NUP54: variants seen among roughly 807,000 people sequenced by gnomAD.
NUP54 encodes nucleoporin p54.
NUP54 carries 27 observed loss-of-function variants against 66.4 expected under a neutral mutation model. The ratio of observed to expected loss-of-function variants is 0.41; its 90% CI spans 0.30 to 0.56. NUP54 has a LOEUF of 0.56. Among genes scored for constraint, NUP54 ranks in the 20% least tolerant of loss-of-function variants. The pLI, the probability that NUP54 is intolerant of heterozygous loss-of-function variation, is 0.34. For synonymous variants in NUP54, 206 were observed against 210.7 expected, an observed-to-expected ratio of 0.98 and a Z score of 0.19; for missense variants, 486 against 596.3, an observed-to-expected ratio of 0.82 and a Z score of 1.93.
chr4:76,125,220 G>T (rs1213033035), intron 8 of NUP54, among the ~76,000 whole-genome samples: 1 of 139,782 alleles, frequency 7.2e-6, no homozygotes, highest in Non-Finnish European at 1.6e-5. Context: ...AAACCTGGGG[G>T]ATGGAGCCGA....
chr4:76,143,372 G>A (rs1261130784), intron 3 of NUP54, among the ~76,000 whole-genome samples: 2 of 152,216 alleles, frequency 1.3e-5, no homozygotes, highest in East Asian at 1.9e-4. Flanking sequence ...TTGGGAGGCC[G>A]AGGCAGGCAG....
chr4:76,135,683 A>C (rs1301362399), intron 4 of NUP54, among the ~76,000 whole-genome samples: 1 of 152,224 alleles, frequency 6.6e-6, no homozygotes, highest in Admixed American at 6.5e-5. Flanking sequence ...TGCATTACCA[A>C]ATGGACCTAA....
At chr4:76,147,665 CAAAATTTTAA>C (rs1215583912) in intron 1 of NUP54, 2 of 1,266,742 alleles carry the variant, frequency 1.6e-6, no homozygotes, top group Admixed American at 2.6e-5. Context: ...GGCAAAGAAA[CAAAATTTTAA>C]AAAGGGGGAG....
chr4:76,117,982 A>G, intron 10 of NUP54, 93 bp downstream of exon 10: 1 of 1,302,794 alleles, frequency 7.7e-7, no homozygotes, highest in Non-Finnish European at 1.1e-6. Context: ...AAGAAACACA[A>G]GTATACAAAA....
chr4:76,117,831 T>C (rs760220228), intron 10 of NUP54, 57 bp from the exon 11 acceptor site: 154 of 1,363,030 alleles, frequency 1.1e-4, no homozygotes, highest in Middle Eastern at 1.8e-4. Flanking sequence ...TAAAAGACAA[T>C]GTTTTCTTCT....
intron 1 of NUP54, chr4:76,145,545 A>AT: frequency 7.9e-7 from 1 of 1,265,796 alleles, no homozygotes; most frequent in Non-Finnish European, 1.0e-6. Flanking sequence ...AAGCATACCA[A>AT]TATACTTACC....
chr4:76,125,788 AGAGAGG>A (rs1365291113), intron 8 of NUP54, among the ~76,000 whole-genome samples: 5 of 44,838 alleles, frequency 1.1e-4, no homozygotes, highest in Admixed American at 2.5e-4. Context: ...AGAGAGGGGG[AGAGAGG>A]GAGAGGGAGA....
At chr4:76,144,111 C>T (rs11736522) in intron 3 of NUP54, 38 bp downstream of exon 3, 683,684 of 1,601,762 alleles carry the variant, frequency 0.43, 155,710 homozygotes, top group East Asian at 0.91. Flanking sequence ...CTAGTATCAT[C>T]ACGGTTTTGT....
In NUP54 at chr4:76,125,855, G is replaced by GAGAGAGAGAGAGGGAGA. The variant is rs759427528; in HGVS notation, c.1057-1100_1057-1099insTCTCCCTCTCTCTCTCT. 1.2e-4 allele frequency among the ~76,000 whole-genome samples: 9 copies of GAGAGAGAGAGAGGGAGA among 73,138 alleles called. No homozygotes were observed. The East Asian group carries it at 8.2e-3, about 66-fold the overall frequency. 48.0% of individuals were successfully genotyped at this position (73,138 alleles called of 152,430 possible). On this transcript the variant is annotated intron_variant, in intron 8 of 11. Coordinates refer to ENST00000264883, the MANE Select transcript of NUP54 (RefSeq NM_017426.4). Reference sequence around the variant, plus strand: ...GAGAGAGGGAGAGAGGGAGAGAGGGGGAGGGGGAGGGAGAGAGAGAGACAG... The same window carrying GAGAGAGAGAGAGGGAGA: ...GAGAGAGGGAGAGAGGGAGAGAGGGGAGAGAGAGAGAGGGAGAGAGGGGGAGGGAGAGAGAGAGACAG...
At chr4:76,142,899 C>T (rs909750305) in intron 3 of NUP54, among the ~76,000 whole-genome samples, 1 of 152,144 alleles carries the variant, frequency 6.6e-6, no homozygotes, top group African/African-American at 2.4e-5. Context: ...AGATAACCAA[C>T]TCTTTATTCT....
Position 76,117,960 on chromosome 4 carries a change from C to A in NUP54, c.1284+115G>T, listed in dbSNP as rs1730026603. 3 of 1,150,950 alleles carry A rather than the reference C, an allele frequency of 2.6e-6. No homozygotes were observed. The East Asian group carries it at 7.1e-5, about 27-fold the overall frequency. 71.3% of individuals were successfully genotyped at this position (1,150,950 alleles called of 1,614,324 possible). A position where few individuals can be genotyped will look rare whatever the true frequency, so the allele number is the denominator to read the frequency against. On this transcript the variant is annotated intron_variant, in intron 10 of 11. Coordinates refer to ENST00000264883, the MANE Select transcript of NUP54 (RefSeq NM_017426.4). ...CTGAGTTTACTTTAGAAAGGAAGTT[C>A]TAATTGGAGATAAGAAACACAAGTA... is the stretch of plus-strand genomic sequence containing the variant.
At chr4:76,128,098 C>T (rs894586597) in intron 8 of NUP54, among the ~76,000 whole-genome samples, 2 of 152,094 alleles carry the variant, frequency 1.3e-5, no homozygotes, top group Non-Finnish European at 2.9e-5. Context: ...AAGGGAGCTC[C>T]AAGGGAAGTC....
chr4:76,127,580 G>T (rs1291910525), intron 8 of NUP54, among the ~76,000 whole-genome samples: 1 of 151,610 alleles, frequency 6.6e-6, no homozygotes, highest in Non-Finnish European at 1.5e-5. Flanking sequence ...TTTTAATGTA[G>T]GATACTCTCA....
At chr4:76,120,428 T>C (rs1202371344) in intron 9 of NUP54, among the ~76,000 whole-genome samples, 3 of 148,696 alleles carry the variant, frequency 2.0e-5, no homozygotes, top group African/African-American at 7.4e-5. Context: ...TCTCTTTTTT[T>C]TTTTTTTTTT....
intron 5 of NUP54, 60 bp from the exon 6 acceptor site, chr4:76,132,779 C>A: frequency 7.9e-7 from 1 of 1,259,888 alleles, no homozygotes; most frequent in Non-Finnish European, 1.1e-6. Context: ...CGACAAACCT[C>A]AGCATATCAT....
intron 5 of NUP54, among the ~76,000 whole-genome samples, chr4:76,133,544 T>C (rs1388302711): frequency 6.6e-6 from 1 of 152,072 alleles, no homozygotes; most frequent in African/African-American, 2.4e-5. Flanking sequence ...CCTGACCTCA[T>C]GATCCGCCCG....
chr4:76,147,468 G>A (rs1309910686), intron 1 of NUP54: 4 of 1,287,922 alleles, frequency 3.1e-6, no homozygotes, highest in Admixed American at 2.3e-5. Context: ...CATACAACCC[G>A]CAGTATCTAC....
At chr4:76,138,959 A>AT (rs200569565) in intron 3 of NUP54, among the ~76,000 whole-genome samples, 4 of 152,098 alleles carry the variant, frequency 2.6e-5, no homozygotes, top group African/African-American at 7.2e-5. Context: ...TAAAGATCAA[A>AT]TTTTTTTTAA....
intron 9 of NUP54, among the ~76,000 whole-genome samples, chr4:76,122,346 A>C (rs531238197): frequency 6.8e-4 from 103 of 152,226 alleles, no homozygotes; most frequent in Middle Eastern, 3.4e-3. Flanking sequence ...TGGCAAATAC[A>C]TACAGTCGTG....
Sources: gnomAD v4.1 joint callset for allele counts (sites outside exome capture counted in the v4.1 genomes callset) on GRCh38, gnomAD v4.1.1 for gene constraint, MANE v1.5 for transcripts, NCBI Gene and HGNC (gene_info 2026-07-23, HGNC 2026-07-21) for gene names.